The following DOCK2 variants were observed in gnomAD, a reference collection of about 807,000 sequenced individuals.
The protein encoded by DOCK2 is dedicator of cytokinesis 2.
A neutral mutation model predicts 248.9 loss-of-function variants in DOCK2; 87 were observed. The observed-to-expected ratio is 0.35, with a 90% confidence interval of 0.29 to 0.42. The LOEUF is 0.42. DOCK2 is among the 10% of genes least tolerant of loss of function. The pLI is 1.00. For synonymous variants in DOCK2, 805 were observed against 821.6 expected (o/e 0.98, Z 0.35); for missense variants, 1,747 against 2,300.2 (o/e 0.76, Z 4.92).
chr5:169,788,397 C>A (rs907912175), intron 25 of DOCK2, among the ~76,000 whole-genome samples: 4 of 152,204 alleles, frequency 2.6e-5, no homozygotes, highest in African/African-American at 9.7e-5. Flanking sequence ...TGACTTGAAA[C>A]CATTAGCTTC....
intron 1 of DOCK2, among the ~76,000 whole-genome samples, chr5:169,639,475 C>A (rs994506048): frequency 6.6e-6 from 1 of 152,220 alleles, no homozygotes; most frequent in African/African-American, 2.4e-5. Flanking sequence ...TCATGGAAAG[C>A]TCAGAAATGG....
chr5:169,826,344 A>G (rs757110414), intron 26 of DOCK2, among the ~76,000 whole-genome samples: 4 of 152,176 alleles, frequency 2.6e-5, no homozygotes, highest in Non-Finnish European at 5.9e-5. Flanking sequence ...ACAGGATATT[A>G]GCAGATAATC....
At chr5:169,871,508 C>T (rs1323902817) in intron 27 of DOCK2, among the ~76,000 whole-genome samples, 1 of 152,166 alleles carries the variant, frequency 6.6e-6, no homozygotes, top group Non-Finnish European at 1.5e-5. Context: ...AATAATATTA[C>T]CTTCATTTTA....
chr5:169,657,345 A>G (rs762370234), intron 2 of DOCK2, among the ~76,000 whole-genome samples: 3 of 152,230 alleles, frequency 2.0e-5, no homozygotes, highest in Non-Finnish European at 4.4e-5. Context: ...CCACAATGTT[A>G]GTCAAAAATT....
chr5:170,005,677 TATACTAGAA>T (rs1755004363), intron 30 of DOCK2, among the ~76,000 whole-genome samples: 1 of 152,150 alleles, frequency 6.6e-6, no homozygotes, highest in African/African-American at 2.4e-5. Context: ...CCCTTGTGAA[TATACTAGAA>T]ACTAAATCAT....
chr5:169,699,604 C>T (rs1015543132), intron 12 of DOCK2, 146 bp downstream of exon 12: 1 of 819,586 alleles, frequency 1.2e-6, no homozygotes, highest in Non-Finnish European at 1.9e-6. Context: ...ATATGATCTA[C>T]AGGGATAAGT....
intron 27 of DOCK2, among the ~76,000 whole-genome samples, chr5:169,913,707 C>T (rs901218325): frequency 5.3e-5 from 8 of 151,984 alleles, no homozygotes; most frequent in African/African-American, 2.4e-5. Context: ...AGTCTTACCA[C>T]GCCCTCTGCC....
At chr5:169,896,944 C>T (rs1773646053) in intron 27 of DOCK2, among the ~76,000 whole-genome samples, 1 of 152,176 alleles carries the variant, frequency 6.6e-6, no homozygotes, top group Admixed American at 6.5e-5. Flanking sequence ...ACGTGAGCTT[C>T]CTAGTAAACC....
intron 27 of DOCK2, among the ~76,000 whole-genome samples, chr5:169,869,700 A>G (rs972754599): frequency 4.6e-5 from 7 of 152,240 alleles, no homozygotes; most frequent in Non-Finnish European, 1.0e-4. Context: ...TAAGTTGCCA[A>G]CTTGGTGAAA....
At chr5:170,042,357 C>T (rs1211437030) in intron 38 of DOCK2, among the ~76,000 whole-genome samples, 1 of 152,202 alleles carries the variant, frequency 6.6e-6, no homozygotes, top group African/African-American at 2.4e-5. Context: ...AATTTTCCTG[C>T]TTCCTCCACT....
chr5:169,643,177 CTGT>C (rs1171218885), intron 1 of DOCK2, among the ~76,000 whole-genome samples: 1 of 152,118 alleles, frequency 6.6e-6, no homozygotes, highest in Non-Finnish European at 1.5e-5. Flanking sequence ...AAGTCTTATT[CTGT>C]TGTTAGTTCT....
chr5:170,063,180 T>G (rs1208589172), intron 44 of DOCK2, among the ~76,000 whole-genome samples: 1 of 152,178 alleles, frequency 6.6e-6, no homozygotes, highest in African/African-American at 2.4e-5. Flanking sequence ...CTTCCAGGGC[T>G]TCATTCCCTG....
chr5:169,678,807 A>G (rs1445853804), intron 6 of DOCK2, among the ~76,000 whole-genome samples: 1 of 143,454 alleles, frequency 7.0e-6, no homozygotes, highest in Admixed American at 6.9e-5. Context: ...AGTCATATAC[A>G]TTAGGAGTGC....
intron 27 of DOCK2, chr5:169,884,953 G>C (rs910148176): frequency 6.6e-6 from 1 of 152,132 alleles, no homozygotes; most frequent in African/African-American, 2.4e-5. Context: ...CCTTTCTCTC[G>C]GTTCTCTTTG....
intron 27 of DOCK2, among the ~76,000 whole-genome samples, chr5:169,846,352 G>A (rs967834811): frequency 1.3e-5 from 2 of 152,124 alleles, no homozygotes; most frequent in Non-Finnish European, 2.9e-5. Flanking sequence ...TTAGGGCTTT[G>A]CGATGACCAT....
chr5:170,030,995 C>T (rs1167227316), intron 34 of DOCK2, among the ~76,000 whole-genome samples: 1 of 152,248 alleles, frequency 6.6e-6, no homozygotes, highest in Non-Finnish European at 1.5e-5. Flanking sequence ...CTCATGTGCT[C>T]TGCGCAGTGC....
chr5:169,700,287 C>A, intron 13 of DOCK2, 148 bp downstream of exon 13: 2 of 1,196,720 alleles, frequency 1.7e-6, no homozygotes, highest in Non-Finnish European at 2.3e-6. Flanking sequence ...AAAATGATGT[C>A]TGTATATCCA....
chr5:170,019,495 T>C (rs1386185943), intron 33 of DOCK2, among the ~76,000 whole-genome samples: 1 of 152,122 alleles, frequency 6.6e-6, no homozygotes, highest in African/African-American at 2.4e-5. Context: ...CTACATTATC[T>C]AGAAAACGCC....
intron 21 of DOCK2, 114 bp from the exon 22 acceptor site, chr5:169,718,543 T>A: frequency 8.9e-7 from 1 of 1,120,612 alleles, no homozygotes; most frequent in Non-Finnish European, 1.2e-6. Context: ...AATGAGTAAG[T>A]GAGCTTGGCT....
Sources: allele counts gnomAD v4.1 joint callset (sites outside exome capture counted in the v4.1 genomes callset), GRCh38; gene constraint gnomAD v4.1.1; transcripts MANE v1.5; gene names NCBI Gene and HGNC (gene_info 2026-07-23, HGNC 2026-07-21).